Variants in MARCO observed in about 807,000 individuals in gnomAD.
The protein encoded by MARCO is macrophage receptor with collagenous structure.
Under a neutral mutation model 70.0 loss-of-function variants are expected in MARCO, and 72 were observed. The ratio of observed to expected loss-of-function variants is 1.03; its 90% CI spans 0.85 to 1.25. The LOEUF (loss-of-function observed/expected upper bound fraction) is 1.25. Ranked by LOEUF, MARCO falls within the 50% of genes most tolerant of loss-of-function variation. The probability of loss-of-function intolerance (pLI) is 0.00; values close to 1 mark genes in which losing one functional copy is unlikely to be tolerated. For synonymous variants in MARCO, 273 were observed against 243.1 expected, an observed-to-expected ratio of 1.12 and a Z score of -1.14; for missense variants, 696 against 659.3, an observed-to-expected ratio of 1.06 and a Z score of -0.61.
At chr2:118,984,572 A>G (rs536160676) in intron 12 of MARCO, among the ~76,000 whole-genome samples, 1 of 152,210 alleles carries the variant, frequency 6.6e-6, no homozygotes, top group African/African-American at 2.4e-5. Flanking sequence ...CCCGAGTCCA[A>G]ATGTTTTCCT....
intron 1 of MARCO, among the ~76,000 whole-genome samples, chr2:118,956,800 G>A (rs1274522044): frequency 6.6e-6 from 1 of 152,016 alleles, no homozygotes; most frequent in Non-Finnish European, 1.5e-5. Flanking sequence ...CATTCTCTCA[G>A]ACCACAGTGG....
At chr2:118,966,588 C>T (rs996879554) in intron 1 of MARCO, among the ~76,000 whole-genome samples, 10 of 152,196 alleles carry the variant, frequency 6.6e-5, no homozygotes, top group Non-Finnish European at 1.0e-4. Context: ...GCCTGGATGG[C>T]TATCCATGAA....
intron 12 of MARCO, among the ~76,000 whole-genome samples, chr2:118,987,561 G>A (rs1362170848): frequency 2.0e-5 from 3 of 152,176 alleles, no homozygotes; most frequent in Non-Finnish European, 2.9e-5. Context: ...ATTCAGATGC[G>A]AGAGGGGCTG....
At chr2:118,975,969 T>C (rs915498252) in intron 6 of MARCO, among the ~76,000 whole-genome samples, 2 of 152,086 alleles carry the variant, frequency 1.3e-5, no homozygotes, top group Non-Finnish European at 2.9e-5. Flanking sequence ...GCAGGCTCAC[T>C]CAGAGGGGAG....
At chr2:118,956,653 A>T (rs112155560) in intron 1 of MARCO, among the ~76,000 whole-genome samples, 1 of 152,292 alleles carries the variant, frequency 6.6e-6, no homozygotes, top group Non-Finnish European at 1.5e-5. Flanking sequence ...CTTAGCAGAT[A>T]TATACAGAAC....
intron 15 of MARCO, 149 bp downstream of exon 15, chr2:118,992,625 C>A: frequency 1.5e-6 from 1 of 658,178 alleles, no homozygotes; most frequent in Non-Finnish European, 2.7e-6. Context: ...AATGAGCCTG[C>A]CCACGGCACA....
chr2:118,991,985 C>A, intron 14 of MARCO, 110 bp downstream of exon 14: 1 of 802,274 alleles, frequency 1.2e-6, no homozygotes, highest in Non-Finnish European at 2.0e-6. Context: ...ATTTTCAGAA[C>A]CCAGGAGGGT....
At chr2:118,947,363 T>C (rs1230693931) in intron 1 of MARCO, among the ~76,000 whole-genome samples, 1 of 152,188 alleles carries the variant, frequency 6.6e-6, no homozygotes, top group Non-Finnish European at 1.5e-5. Flanking sequence ...GCAGTGGCTA[T>C]TCACAGGTGT....
At chr2:118,969,918 A>G (rs1680128549) in intron 2 of MARCO, among the ~76,000 whole-genome samples, 196 bp from the exon 3 acceptor site, 1 of 152,216 alleles carries the variant, frequency 6.6e-6, no homozygotes, top group East Asian at 1.9e-4. Context: ...GTGGACGTGC[A>G]ATATCATGCC....
chr2:118,963,579 G>A (rs994390853), intron 1 of MARCO, among the ~76,000 whole-genome samples: 8 of 152,076 alleles, frequency 5.3e-5, no homozygotes, highest in Non-Finnish European at 1.2e-4. Flanking sequence ...GCTACCTGGA[G>A]TATTCTGTGT....
chr2:118,966,300 T>G (rs1231266240), intron 1 of MARCO, among the ~76,000 whole-genome samples: 1 of 152,236 alleles, frequency 6.6e-6, no homozygotes, highest in East Asian at 1.9e-4. Flanking sequence ...CAAGGTTTAC[T>G]CCAGGGAAGC....
rs200133908 is a variant in MARCO, at chr2:118,994,216, AC to A, written c.1430-170del. Among the ~76,000 whole-genome samples, 74 of 152,230 alleles carry A rather than the reference AC, an allele frequency of 4.9e-4. 5 individuals carry two copies. In the East Asian group the frequency reaches 0.014, roughly 29 times the overall value. On this transcript the variant is annotated intron_variant, in intron 16 of 16. Transcript: ENST00000327097. ...AAAAACAACAACAACAACAACAACAACAACAAAAACAGGCTAAGCCAGCCAT... is the reference window on the plus strand; with the variant it reads ...AAAAACAACAACAACAACAACAACAAAACAAAAACAGGCTAAGCCAGCCAT...
intron 1 of MARCO, among the ~76,000 whole-genome samples, chr2:118,966,836 C>G (rs1680061007): frequency 6.6e-6 from 1 of 152,144 alleles, no homozygotes; most frequent in South Asian, 2.1e-4. Context: ...CTGTATTTGC[C>G]AATTTGCCAT....
chr2:118,977,615 GC>G (rs1266410102), intron 7 of MARCO, 100 bp downstream of exon 7: 13 of 561,870 alleles, frequency 2.3e-5, no homozygotes, highest in Non-Finnish European at 3.3e-5. Context: ...CCCCACCCCA[GC>G]CCCTGACAGT....
intron 1 of MARCO, chr2:118,949,699 C>A (rs1679682310): frequency 1.3e-5 from 2 of 152,156 alleles, no homozygotes; most frequent in Non-Finnish European, 2.9e-5. Context: ...GACCCAGGAA[C>A]AATGGCCCAT....
chr2:118,990,611 A>T lies in MARCO; in HGVS notation c.1086A>T (p.Arg362Ser). 1 of 1,468,298 alleles carries T rather than the reference A, an allele frequency of 6.8e-7. No individual in the cohort carries two copies. Among genetic ancestry groups the T allele is most frequent in the East Asian group, 3.2e-5 (1 of 30,814 alleles). The allele number at this position is 1,468,298 out of a possible 1,614,324, so 91.0% of individuals were successfully genotyped here. A position where few individuals can be genotyped will look rare whatever the true frequency, so the allele number is the denominator to read the frequency against. ...TAGGACTTCAAGGACAGCAAGGAAG[A>T]AAAGGAGAATCAGGAGTTCCAGGTA... ...GDTGLQGQQG[R>S]KGESGVPGPA... Residue 362 changes from arginine (R) to serine (S), a missense_variant, in exon 13 of 17, where the codon AGA (arginine) becomes AGT (serine). Arg to Ser is a moderately radical substitution (Grantham distance 110). This residue lies in a region of MARCO where 605 missense variants were observed against 537.6 expected (regional missense o/e 1.13). Coordinates refer to ENST00000327097, the MANE Select transcript of MARCO (RefSeq NM_006770.4).
chr2:118,964,866 C>T (rs1446861688), intron 1 of MARCO, among the ~76,000 whole-genome samples: 6 of 143,324 alleles, frequency 4.2e-5, no homozygotes, highest in Middle Eastern at 3.9e-3. Flanking sequence ...CCAGCCTGGG[C>T]GACAGAGTGA....
intron 12 of MARCO, among the ~76,000 whole-genome samples, chr2:118,986,652 A>G (rs13028413): frequency 0.018 from 867 of 48,074 alleles, 20 homozygotes; most frequent in African/African-American, 0.054. Flanking sequence ...AAAGAAAGAA[A>G]GAAGGAAGGA....
chr2:118,992,735 CCCTT>C (rs1680646049), intron 15 of MARCO, among the ~76,000 whole-genome samples: 1 of 151,806 alleles, frequency 6.6e-6, no homozygotes, highest in Non-Finnish European at 1.5e-5. Flanking sequence ...CTCCCTCCCT[CCCTT>C]CCTCCCCTTT....
Sources: allele counts gnomAD v4.1 joint callset (sites outside exome capture counted in the v4.1 genomes callset), GRCh38; gene constraint gnomAD v4.1.1; regional missense constraint gnomAD v4.1.1; transcripts MANE v1.5; gene names NCBI Gene and HGNC (gene_info 2026-07-23, HGNC 2026-07-21).